Variants in LRRC4C observed in about 807,000 individuals in gnomAD.
LRRC4C encodes leucine-rich repeat-containing protein 4C.
LRRC4C carries 5 observed loss-of-function variants against 33.6 expected under a neutral mutation model. The ratio of observed to expected loss-of-function variants is 0.15; its 90% CI spans 0.08 to 0.31. The LOEUF (loss-of-function observed/expected upper bound fraction) is 0.31, where lower values mean the gene tolerates loss of function less well. Among genes scored for constraint, LRRC4C ranks in the 10% least tolerant of loss-of-function variants. The pLI, the probability that LRRC4C is intolerant of heterozygous loss-of-function variation, is 1.00. For synonymous variants in LRRC4C, 329 were observed against 302.0 expected (o/e 1.09, Z -0.93); for missense variants, 560 against 796.7 (o/e 0.70, Z 3.58).
intron 3 of LRRC4C, among the ~76,000 whole-genome samples, chr11:40,337,043 A>T (rs1946657550): frequency 6.7e-6 from 1 of 148,530 alleles, no homozygotes; most frequent in African/African-American, 2.5e-5. Flanking sequence ...GAGAGTGGTC[A>T]GGGACGTCCT....
chr11:41,168,921 A>G (rs1481650301), intron 1 of LRRC4C, among the ~76,000 whole-genome samples: 2 of 152,192 alleles, frequency 1.3e-5, no homozygotes. Flanking sequence ...TAACTGTCCT[A>G]TGAAACAATG....
intron 1 of LRRC4C, among the ~76,000 whole-genome samples, chr11:40,958,202 C>G (rs1959046757): frequency 6.6e-6 from 1 of 151,704 alleles, no homozygotes; most frequent in South Asian, 2.1e-4. Context: ...TTATGAGCCA[C>G]TCAGCTTGTG....
chr11:40,174,403 T>C (rs907194656), intron 5 of LRRC4C, among the ~76,000 whole-genome samples: 9 of 152,166 alleles, frequency 5.9e-5, no homozygotes, highest in African/African-American at 1.9e-4. Flanking sequence ...ACAGCTGTTA[T>C]CAATCCCTAT....
At chr11:40,991,946 A>C (rs1853603296) in intron 1 of LRRC4C, among the ~76,000 whole-genome samples, 1 of 152,136 alleles carries the variant, frequency 6.6e-6, no homozygotes, top group South Asian at 2.1e-4. Flanking sequence ...AGTTCCTAAG[A>C]GGCCACCAAC....
intron 1 of LRRC4C, among the ~76,000 whole-genome samples, chr11:40,944,722 T>A (rs1958312998): frequency 1.3e-5 from 2 of 152,156 alleles, no homozygotes; most frequent in South Asian, 4.1e-4. Flanking sequence ...ATTTTTACCC[T>A]GAAATAATGC....
intron 1 of LRRC4C, among the ~76,000 whole-genome samples, chr11:40,984,923 A>G (rs1400577304): frequency 9.3e-5 from 1 of 10,698 alleles, no homozygotes; most frequent in African/African-American, 1.6e-4. Context: ...TTTTTTTGAG[A>G]CGCAATCTCG....
intron 3 of LRRC4C, among the ~76,000 whole-genome samples, chr11:40,435,028 T>G (rs80108023): frequency 0.013 from 2,031 of 152,266 alleles, 47 homozygotes; most frequent in East Asian, 0.076. Flanking sequence ...ACAAGGGCAT[T>G]CTTTACCACC....
rs543642955 is a variant in LRRC4C, at chr11:41,246,813, T to C, written c.-496+212618A>G. ...AATTAATAAATGTCAAAGCTAGTAT[T>C]AAGCTTTAGGGTTGCCACCTCTAAA... On this transcript the variant is annotated intron_variant, in intron 1 of 6. Coordinates refer to ENST00000528697, the MANE Select transcript of LRRC4C (RefSeq NM_001258419.2). 3.9e-5 allele frequency among the ~76,000 whole-genome samples: 6 copies of C among 152,362 alleles called. No homozygotes were observed. The South Asian group carries it at 1.2e-3, about 32-fold the overall frequency.
At chr11:41,387,917 A>G (rs1196658321) in intron 1 of LRRC4C, among the ~76,000 whole-genome samples, 1 of 151,824 alleles carries the variant, frequency 6.6e-6, no homozygotes, top group African/African-American at 2.4e-5. Context: ...AAGATTTGAC[A>G]CATTTAGTTC....
At chr11:41,080,461 C>T (rs1259039760) in intron 1 of LRRC4C, among the ~76,000 whole-genome samples, 2 of 149,838 alleles carry the variant, frequency 1.3e-5, no homozygotes, top group African/African-American at 4.9e-5. Flanking sequence ...AAGCGATTCT[C>T]CTACCTCAGC....
intron 2 of LRRC4C, among the ~76,000 whole-genome samples, chr11:40,775,786 G>C (rs1949967614): frequency 6.6e-6 from 1 of 152,130 alleles, no homozygotes; most frequent in Admixed American, 6.5e-5. Context: ...TTGTCTGATT[G>C]TTCTTGCTTG....
At chr11:41,373,589 T>G (rs192423793) in intron 1 of LRRC4C, among the ~76,000 whole-genome samples, 8 of 152,150 alleles carry the variant, frequency 5.3e-5, no homozygotes, top group Non-Finnish European at 1.2e-4. Context: ...AAAATAATAC[T>G]CTCGGAATAT....
At chr11:41,352,830 T>C (rs1005455101) in intron 1 of LRRC4C, among the ~76,000 whole-genome samples, 4 of 151,720 alleles carry the variant, frequency 2.6e-5, no homozygotes, top group Admixed American at 1.3e-4. Flanking sequence ...CTAATGAAAA[T>C]AAAAATACAA....
intron 2 of LRRC4C, among the ~76,000 whole-genome samples, chr11:40,801,361 T>TATGA (rs1315976435): frequency 6.6e-6 from 1 of 152,304 alleles, no homozygotes; most frequent in East Asian, 1.9e-4. Flanking sequence ...CCACCTTCTA[T>TATGA]ATGAAACCTT....
intron 1 of LRRC4C, among the ~76,000 whole-genome samples, chr11:41,264,355 G>C (rs1949081880): frequency 6.6e-6 from 1 of 152,060 alleles, no homozygotes; most frequent in Admixed American, 6.6e-5. Context: ...CTCCCAAAAT[G>C]CTGGGATTAC....
chr11:41,256,846 T>G (rs184667612), intron 1 of LRRC4C, among the ~76,000 whole-genome samples: 2 of 152,124 alleles, frequency 1.3e-5, no homozygotes, highest in Admixed American at 1.3e-4. Flanking sequence ...CAAGAGTGAC[T>G]TCTAATGGTC....
At chr11:40,342,066 T>C (rs1315481435) in intron 3 of LRRC4C, among the ~76,000 whole-genome samples, 1 of 152,070 alleles carries the variant, frequency 6.6e-6, no homozygotes, top group Non-Finnish European at 1.5e-5. Context: ...CCAAGTCATA[T>C]GGTTGTCAAA....
At chr11:40,336,475 T>C (rs950397605) in intron 3 of LRRC4C, among the ~76,000 whole-genome samples, 9 of 152,130 alleles carry the variant, frequency 5.9e-5, no homozygotes, top group Non-Finnish European at 1.2e-4. Flanking sequence ...TGAATGACTG[T>C]ATGGAGCAGA....
chr11:40,904,086 A>T (rs1228051143), intron 2 of LRRC4C, among the ~76,000 whole-genome samples: 3 of 152,182 alleles, frequency 2.0e-5, no homozygotes, highest in African/African-American at 7.2e-5. Context: ...ATTTCATCCA[A>T]TGAGGAGTTA....
Sources: allele counts gnomAD v4.1 joint callset (sites outside exome capture counted in the v4.1 genomes callset), GRCh38; gene constraint gnomAD v4.1.1; transcripts MANE v1.5; gene names NCBI Gene and HGNC (gene_info 2026-07-23, HGNC 2026-07-21).